SLC44A2: variants seen among roughly 807,000 people sequenced by gnomAD.
SLC44A2 encodes choline transporter-like protein 2.
Under a neutral mutation model 90.8 loss-of-function variants are expected in SLC44A2, and 57 were observed. The ratio of observed to expected loss-of-function variants is 0.63; its 90% CI spans 0.51 to 0.78. The LOEUF (loss-of-function observed/expected upper bound fraction) is 0.78. Ranked by LOEUF, SLC44A2 falls within the 30% of genes least tolerant of loss-of-function variation. The pLI, the probability that SLC44A2 is intolerant of heterozygous loss-of-function variation, is 0.00. For missense variants in SLC44A2, 794 were observed against 919.7 expected, an observed-to-expected ratio of 0.86 and a Z score of 1.77; for synonymous variants, 355 against 360.7, an observed-to-expected ratio of 0.98 and a Z score of 0.18.
rs1214009344 is a variant in SLC44A2, at chr19:10,643,607, G to A, written c.*222G>A. The A allele has an allele frequency of 4.2e-6, 2 of 471,838 alleles. No individual in the cohort carries two copies. Among genetic ancestry groups the A allele is most frequent in the Non-Finnish European group, 7.4e-6 (2 of 270,412 alleles). The allele number at this position is 471,838 out of a possible 1,614,324, so 29.2% of individuals were successfully genotyped here. ...TTTCATGGCTGCCCCTCCAGACTGC[G>A]AGAAACAAGTAAAAACCCATTGGGG... On this transcript the variant is annotated 3_prime_UTR_variant, in exon 22 of 22. Transcript: ENST00000335757.
rs775270117 is a variant in SLC44A2, at chr19:10,638,199, G to T, written c.1841-28G>T. ...CTGTTTCCTATATCCAGAACCCTTC[G>T]CCATCTTGCTTTCTTCTCCTTCTCC... On this transcript the variant is annotated intron_variant, in intron 19 of 21. Coordinates refer to ENST00000335757, the MANE Select transcript of SLC44A2 (RefSeq NM_020428.4). The T allele has an allele frequency of 5.6e-6, 9 of 1,613,336 alleles. No individual in the cohort carries two copies. The African/African-American group carries it at 1.1e-4, about 19-fold the overall frequency.
intron 1 of SLC44A2, among the ~76,000 whole-genome samples, chr19:10,604,574 T>C (rs1918048109): frequency 1.3e-5 from 2 of 152,110 alleles, no homozygotes; most frequent in South Asian, 4.1e-4. Context: ...CCATCCGTCA[T>C]GAGTTTAGGG....
Position 10,643,355 on chromosome 19 carries a change from C to G in SLC44A2, c.2091C>G (p.Asn697Lys). ...CTTCCACCCTCAAGAAACTCTTGAACAAGACCAACAAGAAGGCAGCGGAGT... is the reference window on the plus strand; with the variant it reads ...CTTCCACCCTCAAGAAACTCTTGAAGAAGACCAACAAGAAGGCAGCGGAGT... ...FMSSTLKKLL[N>K]KTNKKAAES Residue 697 changes from asparagine to lysine, a missense_variant, in exon 22 of 22, where the codon AAC becomes AAG. Physicochemically the swap from Asn to Lys is moderately conservative, Grantham distance 94. This residue lies in a region of SLC44A2 where 44 missense variants were observed against 43.9 expected (regional missense o/e 1.00). Coordinates refer to ENST00000335757, the MANE Select transcript of SLC44A2 (RefSeq NM_020428.4). 1 of 1,612,894 alleles carries G rather than the reference C, an allele frequency of 6.2e-7. No homozygotes were observed. Among genetic ancestry groups the G allele is most frequent in the Non-Finnish European group, 8.5e-7 (1 of 1,179,372 alleles).
rs1421718989 is a variant in SLC44A2 at position 10,642,456 on chromosome 19, G to A, written c.2014+5G>A. 1 of 1,613,786 alleles carries A rather than the reference G, an allele frequency of 6.2e-7. No homozygotes were observed. The highest frequency in any genetic ancestry group is 8.5e-7 in the Non-Finnish European group (1 of 1,179,826). On this transcript the variant is annotated splice_donor_5th_base_variant and intron_variant, in intron 21 of 21. Coordinates refer to ENST00000335757, the MANE Select transcript of SLC44A2 (RefSeq NM_020428.4). ...ACACGCTGTTCCTCTGCTTCTGTGA[G>A]TGACCCCTCACCCCAAACCTTGCTG...
At chr19:10,602,475 C>T, upstream of SLC44A2, 2 of 1,168,614 alleles carry the variant, frequency 1.7e-6, no homozygotes, top group Non-Finnish European at 2.1e-6. Context: ...GAGCCTCCCG[C>T]CCGCCCGGGC....
chr19:10,623,215 C>T (rs2066905068), upstream of SLC44A2, among the ~76,000 whole-genome samples: 1 of 152,068 alleles, frequency 6.6e-6, no homozygotes, highest in African/African-American at 2.4e-5. Context: ...GAGTCTGGGT[C>T]ACCCCAGGGC....
At chr19:10,606,053 T>C (rs1385930041) in intron 1 of SLC44A2, among the ~76,000 whole-genome samples, 1 of 152,038 alleles carries the variant, frequency 6.6e-6, no homozygotes, top group South Asian at 2.1e-4. Context: ...ATTCCAGCAC[T>C]TTGGGAGTCC....
intron 16 of SLC44A2, among the ~76,000 whole-genome samples, chr19:10,637,351 CA>C (rs1258006332): frequency 1.3e-5 from 2 of 151,156 alleles, no homozygotes; most frequent in African/African-American, 4.9e-5. Flanking sequence ...GACTCCATTT[CA>C]AAAAAAGGAA....
rs553756445 is a variant in SLC44A2, at chr19:10,605,165, G to A, written c.31+2604G>A. On this transcript the variant is annotated intron_variant, in intron 1 of 21. Transcript: ENST00000407327. ...TAGGAGGCCAAGGCTGGGGGATCAC[G>A]AGGTCAGGAGATCGAGACAATCCTG... Among the ~76,000 whole-genome samples the A allele has an allele frequency of 2.6e-4, 40 of 152,016 alleles. 2 individuals carry two copies. Among genetic ancestry groups the A allele is most frequent in the South Asian group, 2.1e-3 (10 of 4,808 alleles).
At chr19:10,636,963 T>C in intron 16 of SLC44A2, 1 of 559,668 alleles carries the variant, frequency 1.8e-6, no homozygotes, top group Admixed American at 3.3e-5. Context: ...GTGGAATTCT[T>C]GCTGTTGAGG....
At position 10,641,197 on chromosome 19, in the gene SLC44A2, A is replaced by G. The variant is rs371599493; in HGVS notation, c.1930-1170A>G. On this transcript the variant is annotated intron_variant, in intron 20 of 21. Transcript: ENST00000335757. ...CGCTTGAGCTCAGGAGTTTGAAAACAGCCTGGGCAACATGGCAAAACCCCA... is the reference window on the plus strand; with the variant it reads ...CGCTTGAGCTCAGGAGTTTGAAAACGGCCTGGGCAACATGGCAAAACCCCA... 449 of 347,408 alleles carry G rather than the reference A, an allele frequency of 1.3e-3. 2 individuals carry two copies. Among genetic ancestry groups the G allele is most frequent in the African/African-American group, 9.1e-3 (420 of 46,118 alleles). 21.5% of individuals were successfully genotyped at this position (347,408 alleles called of 1,614,324 possible). A position where few individuals can be genotyped will look rare whatever the true frequency, so the allele number is the denominator to read the frequency against.
intron 20 of SLC44A2, among the ~76,000 whole-genome samples, chr19:10,639,829 C>T (rs190841521): frequency 1.5e-3 from 230 of 151,842 alleles, no homozygotes; most frequent in African/African-American, 5.4e-3. Context: ...TTCAGTGAGC[C>T]GAGATCGCGC....
At chr19:10,624,164 ATTTTTGTAT>A (rs1437297251), upstream of SLC44A2, among the ~76,000 whole-genome samples, 8 of 148,258 alleles carry the variant, frequency 5.4e-5, no homozygotes, top group South Asian at 1.7e-3. Flanking sequence ...CATCCAGCTA[ATTTTTGTAT>A]TTTTAGTACA....
chr19:10,633,009 A>G (rs1162289090), intron 10 of SLC44A2, among the ~76,000 whole-genome samples: 2 of 151,892 alleles, frequency 1.3e-5, no homozygotes, highest in Non-Finnish European at 2.9e-5. Context: ...AGGGTAATTC[A>G]TATTTCTAGT....
intron 16 of SLC44A2, chr19:10,637,011 A>C: frequency 4.0e-6 from 2 of 497,796 alleles, no homozygotes; most frequent in Non-Finnish European, 7.2e-6. Context: ...ATTGGTTATT[A>C]CCAGAGTGAA....
chr19:10,602,498 G>C (rs1320018032), upstream of SLC44A2: 1 of 1,250,190 alleles, frequency 8.0e-7, no homozygotes. Context: ...GGGTCGCGCT[G>C]GCTCGGACTC....
chr19:10,628,878 C>T (rs2066962969), intron 4 of SLC44A2, among the ~76,000 whole-genome samples: 1 of 152,056 alleles, frequency 6.6e-6, no homozygotes, highest in Admixed American at 6.6e-5. Flanking sequence ...CCTCATGGGG[C>T]TATTTTGATG....
intron 1 of SLC44A2, among the ~76,000 whole-genome samples, chr19:10,611,027 T>G (rs1478691814): frequency 6.6e-6 from 1 of 152,036 alleles, no homozygotes; most frequent in Non-Finnish European, 1.5e-5. Context: ...AAAATTTTTT[T>G]TGAGAGGGAG....
chr19:10,615,385 C>T (rs893351251), intron 1 of SLC44A2, among the ~76,000 whole-genome samples: 2 of 151,908 alleles, frequency 1.3e-5, no homozygotes, highest in Admixed American at 1.3e-4. Context: ...ACCAGCCTGG[C>T]CAACATGGTG....
Sources: allele counts gnomAD v4.1 joint callset (sites outside exome capture counted in the v4.1 genomes callset), GRCh38; gene constraint gnomAD v4.1.1; regional missense constraint gnomAD v4.1.1; transcripts MANE v1.5; gene names NCBI Gene and HGNC (gene_info 2026-07-23, HGNC 2026-07-21).